Variants in COL2A1 observed in about 807,000 individuals in gnomAD.
COL2A1 encodes collagen alpha-1(II) chain.
COL2A1 carries 28 observed loss-of-function variants against 204.5 expected under a neutral mutation model. That is an observed-to-expected ratio of 0.14 (90% confidence interval 0.10 to 0.19). The LOEUF is 0.19. COL2A1 is among the 10% of genes least tolerant of loss of function. COL2A1 has a pLI of 1.00. For missense variants in COL2A1, 1,388 were observed against 2,027.5 expected (o/e 0.68, Z 6.06); for synonymous variants, 708 against 718.7 (o/e 0.99, Z 0.24).
intron 13 of COL2A1, 50 bp downstream of exon 13, chr12:47,993,944 T>C (rs749506527): frequency 9.3e-6 from 15 of 1,613,558 alleles, no homozygotes; most frequent in Non-Finnish European, 1.2e-5. Context: ...AGTGCTTTTC[T>C]CTCCCACCAG....
intron 1 of COL2A1, 95 bp downstream of exon 1, chr12:48,004,142 G>C (rs1940362887): frequency 3.1e-6 from 3 of 980,728 alleles, no homozygotes; most frequent in Non-Finnish European, 4.8e-6. Flanking sequence ...TTTTAGCCCG[G>C]AGCCGCGGGC....
At chr12:47,998,509 C>T in intron 2 of COL2A1, 78 bp from the exon 3 acceptor site, 1 of 1,419,702 alleles carries the variant, frequency 7.0e-7, no homozygotes, top group Non-Finnish European at 9.8e-7. Flanking sequence ...CACTCAAACA[C>T]TCATTAGATC....
chr12:47,974,900 C>A (rs1419264872), intron 51 of COL2A1, 38 bp from the exon 52 acceptor site: 1 of 1,591,502 alleles, frequency 6.3e-7, no homozygotes. Flanking sequence ...GGGGCTCAGA[C>A]AGGCACAGAC....
At chr12:47,974,912 C>T in intron 51 of COL2A1, 50 bp from the exon 52 acceptor site, 1 of 1,578,578 alleles carries the variant, frequency 6.3e-7, no homozygotes. Flanking sequence ...GGCACAGACA[C>T]AAAAGCTTGA....
chr12:48,000,953 C>A (rs1261703718), intron 1 of COL2A1: 1 of 152,338 alleles, frequency 6.6e-6, no homozygotes, highest in Admixed American at 6.5e-5. Context: ...GAAAACAGCA[C>A]CCCAGTTTGG....
At chr12:47,999,727 C>G in intron 2 of COL2A1, 192 bp downstream of exon 2, 1 of 569,388 alleles carries the variant, frequency 1.8e-6, no homozygotes. Flanking sequence ...AAGGACCCCT[C>G]TAGTGTCTCA....
At chr12:47,983,183 A>C (rs775211465) in intron 31 of COL2A1, 46 bp from the exon 32 acceptor site, 1 of 1,598,872 alleles carries the variant, frequency 6.3e-7, no homozygotes. Context: ...TTCATATCAC[A>C]GACCCCTGAA....
Position 47,986,089 on chromosome 12 carries a change from G to A in COL2A1, c.1528-124C>T, listed in dbSNP as rs1441106800. 6.2e-6 allele frequency: 6 copies of A among 960,842 alleles called. No individual in the cohort carries two copies. The East Asian group carries it at 1.6e-4, about 25-fold the overall frequency. 59.5% of individuals were successfully genotyped at this position (960,842 alleles called of 1,614,324 possible). ...GGGGAGCAGTAGCTGTGGCCTGCAG[G>A]ATTCTCAGAGGTTAACTTCTGGAGC... On this transcript the variant is annotated intron_variant, in intron 23 of 53. Coordinates refer to ENST00000380518, the MANE Select transcript of COL2A1 (RefSeq NM_001844.5).
chr12:48,003,906 A>C (rs1172357022), intron 1 of COL2A1, among the ~76,000 whole-genome samples: 2 of 152,218 alleles, frequency 1.3e-5, no homozygotes, highest in Non-Finnish European at 2.9e-5. Context: ...ATGTGCGCCT[A>C]ATTATCAAAG....
rs1939025678 is a variant in COL2A1 at position 47,980,861 on chromosome 12, G to T, written c.2517+54C>A. 1 of 1,542,738 alleles carries T rather than the reference G, an allele frequency of 6.5e-7. No individual in the cohort carries two copies. Among genetic ancestry groups the T allele is most frequent in the Non-Finnish European group, 8.8e-7 (1 of 1,138,776 alleles). ...CAAGCTCCGATGCCCGAGGGTGCTG[G>T]ATGTGGAACTGGCCTGAGTGGAGGG... On this transcript the variant is annotated intron_variant, in intron 38 of 53. Transcript: ENST00000380518. This position sits in a 1 kb window ranked among gnomAD's most constrained non-coding sequence, Gnocchi z 4.5.
At chr12:48,000,641 A>G (rs1940192701) in intron 1 of COL2A1, among the ~76,000 whole-genome samples, 1 of 152,228 alleles carries the variant, frequency 6.6e-6, no homozygotes, top group Non-Finnish European at 1.5e-5. Context: ...ACTGACAACT[A>G]ACATTCAGAG....
At chr12:47,988,155 C>T (rs1333974877) in intron 18 of COL2A1, among the ~76,000 whole-genome samples, 3 of 152,164 alleles carry the variant, frequency 2.0e-5, no homozygotes, top group Non-Finnish European at 2.9e-5. Context: ...TCTGAACATC[C>T]CAGCTCAGAG....
At chr12:47,984,277 C>T in intron 28 of COL2A1, 137 bp from the exon 29 acceptor site, 1 of 818,754 alleles carries the variant, frequency 1.2e-6, no homozygotes, top group Non-Finnish European at 2.1e-6. Context: ...ATTTCCACAC[C>T]TTCCCCTCCC....
Position 47,984,544 on chromosome 12 carries a change from A to G in COL2A1, c.1887+2T>C, listed in dbSNP as rs373515712. ...TCATGGGCAGCGGGGAAGGATACTTACCCTCAGACCAGGAGCACCAGGCAG... is the reference window on the plus strand; with the variant it reads ...TCATGGGCAGCGGGGAAGGATACTTGCCCTCAGACCAGGAGCACCAGGCAG... On this transcript the variant is annotated splice_donor_variant, in intron 28 of 53. Coordinates refer to ENST00000380518, the MANE Select transcript of COL2A1 (RefSeq NM_001844.5). LOFTEE classifies it high-confidence loss of function. 1 of 1,613,884 alleles carries G rather than the reference A, an allele frequency of 6.2e-7. No individual in the cohort carries two copies.
At chr12:48,000,958 G>C (rs1197156173) in intron 1 of COL2A1, 1 of 152,356 alleles carries the variant, frequency 6.6e-6, no homozygotes, top group African/African-American at 2.4e-5. Context: ...CAGCACCCCA[G>C]TTTGGGGAGC....
At chr12:47,974,386 C>A (rs752713765) in intron 52 of COL2A1, 55 bp from the exon 53 acceptor site, 93 of 1,605,882 alleles carry the variant, frequency 5.8e-5, no homozygotes, top group Non-Finnish European at 5.3e-5. Flanking sequence ...TCAATGGGAC[C>A]AGGGGCTGTA....
rs1938581509 is a variant in COL2A1, at chr12:47,974,295, C to T, written c.4111G>A (p.Ala1371Thr). ...CGTAGGAAGGTCATCTGGACGTTGG[C>T]AGTGTTGGGAGCCAGATTGTCATCT... ...YGDDNLAPNT[A>T]NVQMTFLRLL... Residue 1371 changes from alanine (A) to threonine (T), a missense_variant, in exon 53 of 54, where the codon GCC becomes ACC. Around this residue, in one of 3 missense-constraint regions of COL2A1, gnomAD observed 303 missense variants for 369.2 expected, o/e 0.82. Transcript: ENST00000380518. 6.2e-7 allele frequency: 1 copy of T among 1,613,962 alleles called. No individual in the cohort carries two copies. Among genetic ancestry groups the T allele is most frequent in the Non-Finnish European group, 8.5e-7 (1 of 1,180,022 alleles).
intron 27 of COL2A1, 48 bp downstream of exon 27, chr12:47,984,947 G>A (rs1939308359): frequency 2.0e-6 from 3 of 1,489,854 alleles, no homozygotes; most frequent in Non-Finnish European, 9.3e-7. Flanking sequence ...GGGCAGGGAG[G>A]TAGGTAGCAC....
chr12:47,980,030 G>A lies in COL2A1; in HGVS notation c.2658C>T (p.Ala886=). The change falls in exon 40 of 54, where the codon GCC becomes GCT. Residue 886 remains alanine, a synonymous_variant. Transcript: ENST00000380518. The surrounding 1 kb of genome is among the most constrained non-coding windows in gnomAD (Gnocchi z 4.5). ...TCACCGGGGGGCCTTGGGCACCTCG[G>A]GCTCCTTTAGGACCAGTCACTCCAG... ...GPTGVTGPKG[A]RGAQGPPGAT... is the part of the protein sequence containing the mutation. The A allele has an allele frequency of 1.3e-6, 2 of 1,555,310 alleles. No homozygotes were observed.
Sources: gnomAD v4.1 joint callset for allele counts (sites outside exome capture counted in the v4.1 genomes callset) on GRCh38, gnomAD v4.1.1 for gene constraint, gnomAD v4.1.1 regional missense constraint, Gnocchi (gnomAD v3.1) non-coding constraint, MANE v1.5 for transcripts, NCBI Gene and HGNC (gene_info 2026-07-23, HGNC 2026-07-21) for gene names.